NOSIP: variants seen among roughly 807,000 people sequenced by gnomAD.
NOSIP encodes the protein nitric oxide synthase interacting protein.
NOSIP carries 25 observed loss-of-function variants against 36.4 expected under a neutral mutation model. The observed-to-expected ratio is 0.69, with a 90% CI of 0.50 to 0.96. The LOEUF is 0.96. NOSIP is among the 40% of genes least tolerant of loss of function. NOSIP has a pLI of 0.00. For synonymous variants in NOSIP, 187 were observed against 179.2 expected (o/e 1.04, Z -0.35); for missense variants, 370 against 429.0 (o/e 0.86, Z 1.21).
intron 1 of NOSIP, among the ~76,000 whole-genome samples, chr19:49,569,980 C>G (rs7254831): frequency 0.28 from 42,328 of 151,252 alleles, 8,652 homozygotes; most frequent in African/African-American, 0.58. Context: ...GTCGTGGTGG[C>G]CACCTGTAAT....
At chr19:49,575,860 A>G (rs921319230) in intron 1 of NOSIP, among the ~76,000 whole-genome samples, 1 of 152,208 alleles carries the variant, frequency 6.6e-6, no homozygotes, top group Admixed American at 6.6e-5. Context: ...GGCCAGGCGC[A>G]GTGGCTCACG....
rs577090472 is a variant in NOSIP, at chr19:49,566,027, C to CTT, written c.-1-5337_-1-5336dup. Among the ~76,000 whole-genome samples the CTT allele has an allele frequency of 4.1e-3, 598 of 145,752 alleles. 6 individuals carry two copies. Among genetic ancestry groups the CTT allele is most frequent in the African/African-American group, 0.014 (556 of 39,688 alleles). ...TTTTTTCTTTCTTTCTTTTCTTCTT[C>CTT]TTTTTTTTTTTTGAGACAGTCTCGC... On this transcript the variant is annotated intron_variant, in intron 1 of 8. Transcript: ENST00000596358.
rs1356987347 is a variant in NOSIP, at chr19:49,555,518, G to A, written c.*233C>T. 6.6e-6 allele frequency among the ~76,000 whole-genome samples: 1 copy of A among 152,036 alleles called. No individual in the cohort carries two copies. Among genetic ancestry groups the A allele is most frequent in the African/African-American group, 2.4e-5 (1 of 41,398 alleles). The stretch of plus-strand genomic sequence containing the variant: ...AAGTGATACGCTAGCCTCGGCCTCC[G>A]AAAGTGCTGGGATTACAGGCGTGAG... On this transcript the variant is annotated 3_prime_UTR_variant, in exon 9 of 9. Coordinates refer to ENST00000596358, the MANE Select transcript of NOSIP (RefSeq NM_001270960.2).
intron 1 of NOSIP, among the ~76,000 whole-genome samples, chr19:49,565,533 G>A (rs1599755704): frequency 6.6e-6 from 1 of 152,078 alleles, no homozygotes. Flanking sequence ...AAGATCACTT[G>A]AGCTCAGGAG....
chr19:49,559,233 T>G, intron 3 of NOSIP: 1 of 466,766 alleles, frequency 2.1e-6, no homozygotes, highest in Admixed American at 3.4e-5. Flanking sequence ...CTTCCAGCTG[T>G]CCTCTCCCAA....
chr19:49,572,071 G>C (rs967370601), intron 1 of NOSIP, among the ~76,000 whole-genome samples: 7 of 149,464 alleles, frequency 4.7e-5, no homozygotes, highest in African/African-American at 1.7e-4. Context: ...GCACATCTCA[G>C]TAATTTCAGT....
chr19:49,562,481 G>A (rs1182307027), intron 1 of NOSIP, among the ~76,000 whole-genome samples: 5 of 151,704 alleles, frequency 3.3e-5, no homozygotes, highest in African/African-American at 9.7e-5. Flanking sequence ...GCTCACGCCT[G>A]TAATCCCAAA....
rs908395251 is a variant in NOSIP at position 49,580,532 on chromosome 19, G to C, written c.-19C>G. On this transcript the variant is annotated 5_prime_UTR_variant, in exon 1 of 9. Coordinates refer to ENST00000596358, the MANE Select transcript of NOSIP (RefSeq NM_001270960.2). ...GAACTCACCTCACTAACGACTCCCA[G>C]TCCCTCGGTCGCTTCTTCAACTGTG... 1 of 152,170 alleles carries C rather than the reference G, an allele frequency of 6.6e-6. No homozygotes were observed. The highest frequency in any genetic ancestry group is 2.4e-5 in the African/African-American group (1 of 41,410). 9.4% of individuals were successfully genotyped at this position (152,170 alleles called of 1,614,324 possible). A position where few individuals can be genotyped will look rare whatever the true frequency, so the allele number is the denominator to read the frequency against.
intron 4 of NOSIP, 139 bp from the exon 5 acceptor site, chr19:49,557,388 C>T (rs1568722580): frequency 6.9e-7 from 1 of 1,444,230 alleles, no homozygotes; most frequent in Non-Finnish European, 9.1e-7. Context: ...GTAACTGCCA[C>T]CCTGGGTGGG....
Position 49,573,768 on chromosome 19 carries a change from C to T in NOSIP, c.-2+6747G>A, listed in dbSNP as rs559514289. On this transcript the variant is annotated intron_variant, in intron 1 of 8. Coordinates refer to ENST00000596358, the MANE Select transcript of NOSIP (RefSeq NM_001270960.2). ...TTCGGTCCTCATGACAACCTCCCCA[C>T]GTTCTGCCCATTTATTTTATTTTAT... Among the ~76,000 whole-genome samples the T allele has an allele frequency of 3.3e-5, 5 of 151,938 alleles. No individual in the cohort carries two copies. The South Asian group carries it at 1.0e-3, about 32-fold the overall frequency.
rs1405426981 is a variant in NOSIP at position 49,557,006 on chromosome 19, G to A, written c.419-13C>T. 6.2e-7 allele frequency: 1 copy of A among 1,601,434 alleles called. No individual in the cohort carries two copies. The highest frequency in any genetic ancestry group is 1.3e-5 in the African/African-American group (1 of 74,758). On this transcript the variant is annotated splice_polypyrimidine_tract_variant and intron_variant, in intron 5 of 8. Transcript: ENST00000596358. ...GGTTGGACATCATCTGTGGGGGAAG[G>A]AAGGGACTCAGATGCCGCCCCCTGG...
At chr19:49,570,088 G>T (rs1480868068) in intron 1 of NOSIP, among the ~76,000 whole-genome samples, 1 of 149,274 alleles carries the variant, frequency 6.7e-6, no homozygotes, top group East Asian at 1.9e-4. Flanking sequence ...CAGCCTGGGT[G>T]ACAGACACTC....
chr19:49,566,081 G>A (rs1205190290), intron 1 of NOSIP, among the ~76,000 whole-genome samples: 3 of 150,552 alleles, frequency 2.0e-5, no homozygotes, highest in South Asian at 2.1e-4. Context: ...GTGCAGTGGC[G>A]CAATCTCGGC....
intron 4 of NOSIP, 193 bp from the exon 5 acceptor site, chr19:49,557,442 A>G: frequency 1.4e-6 from 2 of 1,421,900 alleles, no homozygotes; most frequent in Non-Finnish European, 9.2e-7. Context: ...CAGGGCTCAA[A>G]GCCCATCTCT....
intron 4 of NOSIP, 110 bp from the exon 5 acceptor site, chr19:49,557,359 C>T (rs1238972528): frequency 1.0e-5 from 15 of 1,459,856 alleles, no homozygotes; most frequent in Non-Finnish European, 1.4e-5. Flanking sequence ...CTGATGGAGG[C>T]ACTATGTGGC....
intron 1 of NOSIP, among the ~76,000 whole-genome samples, chr19:49,577,574 G>A (rs1029162791): frequency 1.3e-5 from 2 of 150,996 alleles, no homozygotes; most frequent in African/African-American, 2.4e-5. Context: ...AGTATATCTT[G>A]GGTAAAGGAA....
At chr19:49,556,797 G>C in intron 6 of NOSIP, 61 bp from the exon 7 acceptor site, 3 of 1,593,900 alleles carry the variant, frequency 1.9e-6, no homozygotes, top group Non-Finnish European at 2.6e-6. Flanking sequence ...GAGAGCGCGT[G>C]GTCCCTGTGC....
chr19:49,579,300 A>T (rs2080594362), intron 1 of NOSIP: 1 of 152,206 alleles, frequency 6.6e-6, no homozygotes, highest in Non-Finnish European at 1.5e-5. Context: ...CCTGTTAGAT[A>T]AAATTTATAG....
intron 1 of NOSIP, among the ~76,000 whole-genome samples, chr19:49,579,726 CT>C (rs577945426): frequency 9.3e-4 from 141 of 152,220 alleles, no homozygotes; most frequent in Middle Eastern, 3.4e-3. Flanking sequence ...GCAATTTTGT[CT>C]TTTGACAATC....
Sources: allele counts gnomAD v4.1 joint callset (sites outside exome capture counted in the v4.1 genomes callset), GRCh38; gene constraint gnomAD v4.1.1; transcripts MANE v1.5; gene names NCBI Gene and HGNC (gene_info 2026-07-23, HGNC 2026-07-21).